Variants in RNF220 observed in about 807,000 individuals in gnomAD.
The protein encoded by RNF220 is ring finger protein 220, also known as E3 ubiquitin-protein ligase RNF220.
In RNF220, 7 loss-of-function variants were observed where a neutral mutation model predicts 67.1. The ratio of observed to expected loss-of-function variants is 0.10; its 90% confidence interval spans 0.06 to 0.20. RNF220 has a LOEUF of 0.20. RNF220 is among the 10% of genes least tolerant of loss of function. The pLI is 1.00. For missense variants in RNF220, 565 were observed against 740.3 expected, an observed-to-expected ratio of 0.76 and a Z score of 2.75; for synonymous variants, 270 against 283.2, an observed-to-expected ratio of 0.95 and a Z score of 0.47.
At chr1:44,486,668 C>T (rs986109308) in intron 2 of RNF220, among the ~76,000 whole-genome samples, 1 of 152,124 alleles carries the variant, frequency 6.6e-6, no homozygotes, top group East Asian at 1.9e-4. Flanking sequence ...TTCCATGACA[C>T]GTCCATGTGT....
intron 2 of RNF220, among the ~76,000 whole-genome samples, chr1:44,502,040 TCA>T (rs1572697276): frequency 1.5e-5 from 2 of 131,388 alleles, no homozygotes; most frequent in East Asian, 4.3e-4. Context: ...CCAGCTGACT[TCA>T]CACCACTGAA....
chr1:44,590,780 AG>A, intron 2 of RNF220, among the ~76,000 whole-genome samples: 1 of 152,210 alleles, frequency 6.6e-6, no homozygotes. Context: ...GCCCTGTTAA[AG>A]AAATAGACAA....
intron 2 of RNF220, among the ~76,000 whole-genome samples, chr1:44,457,119 C>T (rs1456490843): frequency 6.6e-6 from 1 of 152,012 alleles, no homozygotes; most frequent in Non-Finnish European, 1.5e-5. Flanking sequence ...ATATACTCTC[C>T]CAACACCCTC....
At position 44,412,511 on chromosome 1, in the gene RNF220, G is replaced by C. The variant is rs774554172; in HGVS notation, c.414G>C (p.Pro138=). Residue 138 remains proline (P), a synonymous_variant, in exon 2 of 15, where the codon CCG becomes CCC. Coordinates refer to ENST00000361799, the MANE Select transcript of RNF220 (RefSeq NM_018150.4). This position sits in a 1 kb window ranked among gnomAD's most constrained non-coding sequence, Gnocchi z 5.3. The part of the protein sequence containing the change: ...DRESYQSAFT[P]AKRLKNCHDT... ...AGAGCTATCAGTCAGCCTTTACGCC[G>C]GCCAAGCGACTTAAGAACTGCCATG... The C allele has an allele frequency of 6.2e-7, 1 of 1,613,778 alleles. No individual in the cohort carries two copies. Among genetic ancestry groups the C allele is most frequent in the Non-Finnish European group, 8.5e-7 (1 of 1,179,806 alleles).
intron 2 of RNF220, among the ~76,000 whole-genome samples, chr1:44,463,123 G>C (rs1653943023): frequency 6.6e-6 from 1 of 152,108 alleles, no homozygotes; most frequent in Non-Finnish European, 1.5e-5. Context: ...GATCACCTGA[G>C]GTCGGGAGTT....
chr1:44,535,545 T>C (rs796220885), intron 2 of RNF220, among the ~76,000 whole-genome samples: 68 of 152,322 alleles, frequency 4.5e-4, no homozygotes, highest in African/African-American at 1.5e-3. Flanking sequence ...GCCAGATGTG[T>C]TCACAATTTG....
intron 2 of RNF220, among the ~76,000 whole-genome samples, chr1:44,444,247 A>G (rs1047022769): frequency 1.3e-5 from 2 of 152,108 alleles, no homozygotes; most frequent in African/African-American, 4.8e-5. Context: ...ATTTTATCAC[A>G]CATGTAAACA....
At chr1:44,496,771 GCCTCCCCGTC>G (rs1657379856) in intron 2 of RNF220, among the ~76,000 whole-genome samples, 1 of 152,190 alleles carries the variant, frequency 6.6e-6, no homozygotes, top group African/African-American at 2.4e-5. Flanking sequence ...CACTGAAACA[GCCTCCCCGTC>G]CTCCTAGCAA....
At chr1:44,601,323 G>A (rs939825008) in intron 2 of RNF220, among the ~76,000 whole-genome samples, 5 of 152,264 alleles carry the variant, frequency 3.3e-5, no homozygotes, top group African/African-American at 1.2e-4. Flanking sequence ...AGCATCTTAG[G>A]TGAGAAGAGA....
intron 2 of RNF220, among the ~76,000 whole-genome samples, chr1:44,607,824 C>G (rs2148413902): frequency 6.6e-6 from 1 of 152,222 alleles, no homozygotes; most frequent in African/African-American, 2.4e-5. Flanking sequence ...ACCACTTCCC[C>G]CAATCACTGT....
Position 44,650,514 on chromosome 1 carries a change from C to G in RNF220, c.1630-190C>G, listed in dbSNP as rs563996959. On this transcript the variant is annotated intron_variant, in intron 14 of 14. Transcript: ENST00000361799. This position sits in a 1 kb window ranked among gnomAD's most constrained non-coding sequence, Gnocchi z 4.3. ...TGCGGGGCTGGCCAGGCGGTTTGAT[C>G]CTGGCGTCCCCCCAACACAGGAGCG... 140 of 614,826 alleles carry G rather than the reference C, an allele frequency of 2.3e-4. No individual in the cohort carries two copies. Among genetic ancestry groups the G allele is most frequent in the Non-Finnish European group, 3.6e-4 (123 of 345,324 alleles). The allele number at this position is 614,826 out of a possible 1,614,324, so 38.1% of individuals were successfully genotyped here. A position where few individuals can be genotyped will look rare whatever the true frequency, so the allele number is the denominator to read the frequency against.
At chr1:44,501,670 C>T (rs1216945005) in intron 2 of RNF220, among the ~76,000 whole-genome samples, 1 of 152,078 alleles carries the variant, frequency 6.6e-6, no homozygotes. Context: ...AGTTCCCTCC[C>T]TCTCTCCCCT....
chr1:44,639,186 TAAGAC>T (rs1312563100), intron 8 of RNF220, among the ~76,000 whole-genome samples: 1 of 152,196 alleles, frequency 6.6e-6, no homozygotes, highest in African/African-American at 2.4e-5. Flanking sequence ...ATACAGCCCT[TAAGAC>T]AAGCCTGCTT....
At chr1:44,422,865 C>A (rs1472836210) in intron 2 of RNF220, among the ~76,000 whole-genome samples, 1 of 152,170 alleles carries the variant, frequency 6.6e-6, no homozygotes, top group Non-Finnish European at 1.5e-5. Context: ...TTGTTGGTGG[C>A]AGTGGATAAA....
intron 2 of RNF220, among the ~76,000 whole-genome samples, chr1:44,520,124 T>A (rs866645215): frequency 0.017 from 2,374 of 142,490 alleles, 69 homozygotes; most frequent in African/African-American, 0.058. Flanking sequence ...TGTGTGTGTG[T>A]GTGTGAGAGA....
chr1:44,632,263 G>T (rs1305237180), intron 5 of RNF220, 80 bp from the exon 6 acceptor site: 1 of 1,613,620 alleles, frequency 6.2e-7, no homozygotes, highest in Admixed American at 1.7e-5. Flanking sequence ...GGGGTCCGGT[G>T]CTGGGGCGGG....
chr1:44,479,494 A>G (rs1557965542), intron 2 of RNF220, among the ~76,000 whole-genome samples: 1 of 152,018 alleles, frequency 6.6e-6, no homozygotes, highest in Non-Finnish European at 1.5e-5. Flanking sequence ...TACAAGACAG[A>G]ATCTACCGAG....
At chr1:44,450,376 T>A (rs1247042669) in intron 2 of RNF220, among the ~76,000 whole-genome samples, 1 of 151,714 alleles carries the variant, frequency 6.6e-6, no homozygotes, top group Non-Finnish European at 1.5e-5. Flanking sequence ...AAAAAAAAAA[T>A]AAATTACAGA....
intron 2 of RNF220, among the ~76,000 whole-genome samples, chr1:44,481,538 G>A (rs1384565233): frequency 6.6e-6 from 1 of 152,160 alleles, no homozygotes; most frequent in East Asian, 1.9e-4. Context: ...GGCCTGTTGG[G>A]AGCTGGAGGT....
Sources: allele counts gnomAD v4.1 joint callset (sites outside exome capture counted in the v4.1 genomes callset), GRCh38; gene constraint gnomAD v4.1.1; non-coding constraint Gnocchi (gnomAD v3.1); transcripts MANE v1.5; gene names NCBI Gene and HGNC (gene_info 2026-07-23, HGNC 2026-07-21).